The following CDH23 variants were observed in gnomAD, a reference collection of about 807,000 sequenced individuals.
CDH23 encodes the protein cadherin-23.
In CDH23, 189 loss-of-function variants were observed where a neutral mutation model predicts 317.1. The observed-to-expected ratio is 0.60, with a 90% CI of 0.53 to 0.67. The LOEUF is 0.67. Among genes scored for constraint, CDH23 ranks in the 30% least tolerant of loss-of-function variants. The pLI is 0.00. For synonymous variants in CDH23, 1,839 were observed against 1,876.8 expected (o/e 0.98, Z 0.52); for missense variants, 4,401 against 4,592.4 (o/e 0.96, Z 1.20).
chr10:71,610,553 A>G (rs1860811509), intron 9 of CDH23, among the ~76,000 whole-genome samples: 1 of 152,258 alleles, frequency 6.6e-6, no homozygotes, highest in Non-Finnish European at 1.5e-5. Context: ...GCTTTCTCAC[A>G]CAGAAGATGG....
intron 1 of CDH23, among the ~76,000 whole-genome samples, chr10:71,438,249 C>G (rs917994748): frequency 6.8e-6 from 1 of 148,014 alleles, no homozygotes; most frequent in Middle Eastern, 3.4e-3. Flanking sequence ...GGGGCTGAGG[C>G]AGGAGAATCA....
rs901753087 is a variant in CDH23 at position 71,397,996 on chromosome 10, T to A, written c.-6+678T>A. Among the ~76,000 whole-genome samples the A allele has an allele frequency of 6.6e-6, 1 of 152,224 alleles. No homozygotes were observed. Among genetic ancestry groups the A allele is most frequent in the Non-Finnish European group, 1.5e-5 (1 of 68,030 alleles). ...CTGGTCCGCTACGAGCGGTGCTGGC[T>A]GCCCCCAGGAGCTGGCACCCGGGAG... On this transcript the variant is annotated intron_variant, in intron 1 of 69. Transcript: ENST00000224721. This position sits in a 1 kb window ranked among gnomAD's most constrained non-coding sequence, Gnocchi z 4.8.
intron 27 of CDH23, among the ~76,000 whole-genome samples, chr10:71,709,682 C>G (rs974202832): frequency 6.6e-6 from 1 of 152,170 alleles, no homozygotes; most frequent in African/African-American, 2.4e-5. Context: ...AGATGTAACT[C>G]CCAGTATGAC....
rs1353631451 is a variant in CDH23, at chr10:71,397,528, G to A, written c.-6+210G>A. ...CGCGCCCCGCTCCGAGCTCCCCGAC[G>A]CGCGGCAACTTTGATTCCTGGGAAC... On this transcript the variant is annotated intron_variant, in intron 1 of 69. Transcript: ENST00000224721. The surrounding 1 kb of genome is among the most constrained non-coding windows in gnomAD (Gnocchi z 4.8). Among the ~76,000 whole-genome samples, 4 of 151,968 alleles carry A rather than the reference G, an allele frequency of 2.6e-5. No homozygotes were observed. The highest frequency in any genetic ancestry group is 9.7e-5 in the African/African-American group (4 of 41,398).
intron 1 of CDH23, among the ~76,000 whole-genome samples, chr10:71,435,587 G>C (rs1200687793): frequency 1.3e-5 from 2 of 152,192 alleles, no homozygotes; most frequent in East Asian, 3.9e-4. Context: ...CTTACCTCTG[G>C]AGCAGGTCTC....
At chr10:71,793,743 C>T (rs1039695448) in intron 48 of CDH23, 103 bp downstream of exon 48, 2 of 865,898 alleles carry the variant, frequency 2.3e-6, no homozygotes, top group Non-Finnish European at 3.5e-6. Context: ...TTGCTGTTCC[C>T]TTGCTACTCT....
chr10:71,552,176 G>A (rs1856634089), intron 6 of CDH23, among the ~76,000 whole-genome samples: 1 of 152,220 alleles, frequency 6.6e-6, no homozygotes, highest in South Asian at 2.1e-4. Context: ...TTACAGATGA[G>A]AAAACTGAGG....
At chr10:71,633,294 A>G (rs1862103767) in intron 11 of CDH23, among the ~76,000 whole-genome samples, 1 of 152,002 alleles carries the variant, frequency 6.6e-6, no homozygotes, top group Non-Finnish European at 1.5e-5. Flanking sequence ...GTCTGTCTCT[A>G]TCTTCTGATT....
At chr10:71,504,113 GTAGTGTTAAGCACATTGA>G (rs1285502274) in intron 3 of CDH23, among the ~76,000 whole-genome samples, 1 of 151,862 alleles carries the variant, frequency 6.6e-6, no homozygotes, top group Non-Finnish European at 1.5e-5. Flanking sequence ...GTATAGTTTA[GTAGTGTTAAGCACATTGA>G]CACTGTTGCC....
intron 1 of CDH23, among the ~76,000 whole-genome samples, chr10:71,420,541 G>A (rs1848755087): frequency 4.5e-5 from 3 of 67,316 alleles, no homozygotes; most frequent in Non-Finnish European, 3.1e-5. Flanking sequence ...TGATGATGAT[G>A]ATGGTGATAT....
At chr10:71,495,697 G>A (rs1589135592) in intron 3 of CDH23, among the ~76,000 whole-genome samples, 2 of 151,746 alleles carry the variant, frequency 1.3e-5, no homozygotes, top group African/African-American at 4.8e-5. Context: ...AAATTAGCCA[G>A]GTGCAGTGGC....
intron 1 of CDH23, among the ~76,000 whole-genome samples, chr10:71,425,396 G>GAAGGAAGGAAGGAAGGAAGGAAGA (rs1311049694): frequency 1.3e-5 from 2 of 148,418 alleles, no homozygotes; most frequent in Non-Finnish European, 3.0e-5. Flanking sequence ...AGGAAGGAAG[G>GAAGGAAGGAAGGAAGGAAGGAAGA]AAGGAAGGAA....
chr10:71,630,162 C>T (rs1861934112), intron 11 of CDH23, among the ~76,000 whole-genome samples: 1 of 152,102 alleles, frequency 6.6e-6, no homozygotes, highest in South Asian at 2.1e-4. Flanking sequence ...GCTGGGACTA[C>T]AGGCACATGC....
chr10:71,811,589 G>C lies in CDH23; in HGVS notation c.9277G>C (p.Val3093Leu). The C allele has an allele frequency of 6.2e-7, 1 of 1,613,950 alleles. No homozygotes were observed. Reference protein sequence around the residue: ...FVLMNWYYRTVHKRKLKAIVA... With the variant: ...FVLMNWYYRTLHKRKLKAIVA... Reference sequence around the variant, plus strand: ...CCTCATGAACTGGTACTACAGGACTGTGTGAGTGTCCCCCACCCCTGCCAT... The same window carrying C: ...CCTCATGAACTGGTACTACAGGACTCTGTGAGTGTCCCCCACCCCTGCCAT... Residue 3093 changes from valine to leucine, a missense_variant and splice_region_variant, in exon 64 of 70, where the codon GTA becomes CTA. Transcript: ENST00000224721.
chr10:71,718,363 T>C (rs73275832), intron 28 of CDH23, among the ~76,000 whole-genome samples: 5,762 of 136,488 alleles, frequency 0.042, 380 homozygotes, highest in African/African-American at 0.14. Flanking sequence ...CTCCCACCCA[T>C]TCCCCACCAC....
chr10:71,785,118 C>T lies in CDH23; in HGVS notation c.5712+18C>T. ...ATGCCACGGTAGGGCCTAGACTGAC[C>T]CCAGGGAGCTTCCCAGGGTTTCCAG... On this transcript the variant is annotated intron_variant, in intron 43 of 69. Transcript: ENST00000224721. 1.3e-6 allele frequency: 2 copies of T among 1,598,300 alleles called. No individual in the cohort carries two copies. The highest frequency in any genetic ancestry group is 8.6e-7 in the Non-Finnish European group (1 of 1,167,140).
intron 3 of CDH23, among the ~76,000 whole-genome samples, chr10:71,447,057 C>T (rs1296628200): frequency 6.6e-6 from 1 of 152,190 alleles, no homozygotes; most frequent in Non-Finnish European, 1.5e-5. Context: ...CCACCTCCAC[C>T]GACAGCCCTC....
At chr10:71,701,909 A>G in intron 22 of CDH23, 113 bp from the exon 23 acceptor site, 2 of 1,131,226 alleles carry the variant, frequency 1.8e-6, no homozygotes, top group Non-Finnish European at 2.5e-6. Flanking sequence ...CCTGGGCCAG[A>G]GCCAGGATGT....
chr10:71,624,307 A>C (rs1487887819), intron 11 of CDH23, among the ~76,000 whole-genome samples: 1 of 152,186 alleles, frequency 6.6e-6, no homozygotes, highest in East Asian at 1.9e-4. Context: ...ATCCCTTTTC[A>C]GGGAAGGACG....
Sources: gnomAD v4.1 joint callset for allele counts (sites outside exome capture counted in the v4.1 genomes callset) on GRCh38, gnomAD v4.1.1 for gene constraint, Gnocchi (gnomAD v3.1) non-coding constraint, MANE v1.5 for transcripts, NCBI Gene and HGNC (gene_info 2026-07-23, HGNC 2026-07-21) for gene names.